The following PPP3CA variants were observed in gnomAD, a reference collection of about 807,000 sequenced individuals.
PPP3CA encodes the protein CAM-PRP catalytic subunit.
Under a neutral mutation model 66.5 loss-of-function variants are expected in PPP3CA, and 14 were observed. That is an observed-to-expected ratio of 0.21 (90% CI 0.14 to 0.33). The LOEUF (loss-of-function observed/expected upper bound fraction) is 0.33, where lower values mean the gene tolerates loss of function less well. Among genes scored for constraint, PPP3CA ranks in the 10% least tolerant of loss-of-function variants. The pLI, the probability that PPP3CA is intolerant of heterozygous loss-of-function variation, is 1.00. For synonymous variants in PPP3CA, 232 were observed against 226.2 expected, an observed-to-expected ratio of 1.03 and a Z score of -0.23; for missense variants, 317 against 639.5, an observed-to-expected ratio of 0.50 and a Z score of 5.44.
At chr4:101,327,914 T>C (rs866140873) in intron 1 of PPP3CA, among the ~76,000 whole-genome samples, 6 of 152,148 alleles carry the variant, frequency 3.9e-5, no homozygotes, top group Admixed American at 2.0e-4. Context: ...TACATGGTAC[T>C]GGACACCTTT....
At chr4:101,125,539 T>C (rs1722219027) in intron 2 of PPP3CA, among the ~76,000 whole-genome samples, 1 of 152,080 alleles carries the variant, frequency 6.6e-6, no homozygotes, top group Non-Finnish European at 1.5e-5. Context: ...ATGTGTTCAC[T>C]CCCTCCTACT....
At chr4:101,241,441 G>A (rs952951007) in intron 1 of PPP3CA, among the ~76,000 whole-genome samples, 6 of 151,816 alleles carry the variant, frequency 4.0e-5, no homozygotes, top group African/African-American at 1.5e-4. Context: ...AAAAGAAAGC[G>A]CTCAACAAAT....
intron 6 of PPP3CA, 61 bp downstream of exon 6, chr4:101,093,715 A>G: frequency 6.9e-7 from 1 of 1,446,118 alleles, no homozygotes. Flanking sequence ...AAACACATGG[A>G]CTGATAAATC....
chr4:101,231,282 G>A (rs1560671071), intron 1 of PPP3CA, among the ~76,000 whole-genome samples: 1 of 151,662 alleles, frequency 6.6e-6, no homozygotes, highest in Non-Finnish European at 1.5e-5. Context: ...CAAGAAATGG[G>A]GAAGGCAGCA....
At chr4:101,148,409 T>C (rs1429399992) in intron 2 of PPP3CA, among the ~76,000 whole-genome samples, 1 of 152,174 alleles carries the variant, frequency 6.6e-6, no homozygotes, top group Non-Finnish European at 1.5e-5. Flanking sequence ...TTAGGCTGTT[T>C]ATTTATTTAA....
At chr4:101,317,128 T>C (rs556924783) in intron 1 of PPP3CA, among the ~76,000 whole-genome samples, 1 of 152,112 alleles carries the variant, frequency 6.6e-6, no homozygotes, top group South Asian at 2.1e-4. Context: ...CACATCATTT[T>C]CCACAATCTA....
At chr4:101,169,032 T>C (rs1230788429) in intron 2 of PPP3CA, among the ~76,000 whole-genome samples, 5 of 152,204 alleles carry the variant, frequency 3.3e-5, no homozygotes, top group Admixed American at 6.6e-5. Context: ...AGCTACTTCA[T>C]AGACTTCAGT....
At chr4:101,152,539 T>A (rs906619024) in intron 2 of PPP3CA, among the ~76,000 whole-genome samples, 3 of 152,208 alleles carry the variant, frequency 2.0e-5, no homozygotes, top group African/African-American at 7.2e-5. Context: ...ACTAACAAAG[T>A]AAGAAAATTG....
chr4:101,069,006 G>C (rs1728798501), intron 8 of PPP3CA, among the ~76,000 whole-genome samples: 1 of 152,050 alleles, frequency 6.6e-6, no homozygotes, highest in South Asian at 2.1e-4. Flanking sequence ...GTCTTTCACA[G>C]GCAAATTTTC....
intron 1 of PPP3CA, among the ~76,000 whole-genome samples, chr4:101,221,036 A>G (rs2110213789): frequency 6.6e-6 from 1 of 151,884 alleles, no homozygotes; most frequent in African/African-American, 2.4e-5. Context: ...GTAGAGTTGA[A>G]CAATTCTAAG....
chr4:101,339,380 T>C (rs937353791), intron 1 of PPP3CA, among the ~76,000 whole-genome samples: 3 of 152,168 alleles, frequency 2.0e-5, no homozygotes, highest in African/African-American at 7.2e-5. Flanking sequence ...TAAAGGGGAA[T>C]ACAATAAAAA....
intron 1 of PPP3CA, among the ~76,000 whole-genome samples, chr4:101,263,337 A>G (rs1226681878): frequency 6.6e-6 from 1 of 152,142 alleles, no homozygotes; most frequent in Non-Finnish European, 1.5e-5. Context: ...ATTCCAGATA[A>G]ATTAAATCAG....
chr4:101,041,433 T>TG, intron 10 of PPP3CA, among the ~76,000 whole-genome samples: 1 of 138,546 alleles, frequency 7.2e-6, no homozygotes. Context: ...TCACAAATTT[T>TG]TTTTTTTTTT....
At chr4:101,240,802 C>T (rs916152289) in intron 1 of PPP3CA, 2 of 152,088 alleles carry the variant, frequency 1.3e-5, no homozygotes, top group African/African-American at 4.8e-5. Context: ...CACAGATTTG[C>T]CCTACATCCA....
chr4:101,104,329 A>T (rs1418625692), intron 3 of PPP3CA, among the ~76,000 whole-genome samples: 1 of 152,190 alleles, frequency 6.6e-6, no homozygotes, highest in Non-Finnish European at 1.5e-5. Context: ...ACAGTATCAT[A>T]CTCACAGAGA....
At chr4:101,300,259 C>G (rs752731292) in intron 1 of PPP3CA, among the ~76,000 whole-genome samples, 5 of 152,160 alleles carry the variant, frequency 3.3e-5, no homozygotes, top group Admixed American at 6.5e-5. Context: ...AGTCAAGCTA[C>G]CCATATAAAC....
At chr4:101,223,033 C>T (rs1461625985) in intron 1 of PPP3CA, among the ~76,000 whole-genome samples, 1 of 151,718 alleles carries the variant, frequency 6.6e-6, no homozygotes, top group Non-Finnish European at 1.5e-5. Flanking sequence ...TTACAGAAGT[C>T]ATTGTGAAAG....
In PPP3CA at chr4:101,059,441, G is replaced by C. The variant is rs75898234; in HGVS notation, c.1156+1646C>G. ...AGTAATAAAGACAAGAGAAGTTATAGAGGAGAAAAACTATGAGATGTTAAA... is the reference window on the plus strand; with the variant it reads ...AGTAATAAAGACAAGAGAAGTTATACAGGAGAAAAACTATGAGATGTTAAA... On this transcript the variant is annotated intron_variant, in intron 10 of 13. Transcript: ENST00000394854. Among the ~76,000 whole-genome samples, 1,398 of 152,208 alleles carry C rather than the reference G, an allele frequency of 9.2e-3. 29 individuals are homozygous for C. Among genetic ancestry groups the C allele is most frequent in the African/African-American group, 0.032 (1,330 of 41,538 alleles).
intron 8 of PPP3CA, among the ~76,000 whole-genome samples, chr4:101,064,714 G>T (rs75984715): frequency 0.014 from 2,088 of 152,102 alleles, 52 homozygotes; most frequent in African/African-American, 0.048. Context: ...AGCTCAGCCT[G>T]CTCAACCTAT....
Sources: gnomAD v4.1 joint callset for allele counts (sites outside exome capture counted in the v4.1 genomes callset) on GRCh38, gnomAD v4.1.1 for gene constraint, MANE v1.5 for transcripts, NCBI Gene and HGNC (gene_info 2026-07-23, HGNC 2026-07-21) for gene names.